Variants in ARHGAP12 observed in about 807,000 individuals in gnomAD.
The protein encoded by ARHGAP12 is Rho GTPase activating protein 12, also known as rho GTPase-activating protein 12.
A neutral mutation model predicts 108.6 loss-of-function variants in ARHGAP12; 64 were observed. That is an observed-to-expected ratio of 0.59 (90% confidence interval 0.48 to 0.73). The LOEUF (loss-of-function observed/expected upper bound fraction) is 0.73. ARHGAP12 is among the 30% of genes least tolerant of loss of function. The pLI is 0.00. For missense variants in ARHGAP12, 940 were observed against 1,005.9 expected (o/e 0.93, Z 0.89); for synonymous variants, 312 against 337.2 (o/e 0.93, Z 0.82).
chr10:31,808,612 T>C, intron 19 of ARHGAP12, 37 bp downstream of exon 19: 1 of 1,592,428 alleles, frequency 6.3e-7, no homozygotes, highest in Non-Finnish European at 8.6e-7. Flanking sequence ...CTTCCCCTTG[T>C]GCTATACCAC....
intron 3 of ARHGAP12, among the ~76,000 whole-genome samples, chr10:31,875,240 C>CT (rs1837687395): frequency 6.6e-6 from 1 of 152,086 alleles, no homozygotes; most frequent in South Asian, 2.1e-4. Flanking sequence ...CTGGAATGAT[C>CT]TTTAAGAAAT....
chr10:31,927,901 C>A (rs1840116151), intron 1 of ARHGAP12, among the ~76,000 whole-genome samples: 1 of 152,216 alleles, frequency 6.6e-6, no homozygotes, highest in African/African-American at 2.4e-5. Context: ...GGGAGGCGGG[C>A]TGCACGCTGG....
At chr10:31,815,367 T>C (rs1392600117) in intron 13 of ARHGAP12, among the ~76,000 whole-genome samples, 2 of 152,226 alleles carry the variant, frequency 1.3e-5, no homozygotes, top group Non-Finnish European at 2.9e-5. Flanking sequence ...CAGTGCTCTA[T>C]CTGGCACAAA....
intron 3 of ARHGAP12, among the ~76,000 whole-genome samples, chr10:31,883,005 C>G (rs552312001): frequency 1.3e-5 from 2 of 151,112 alleles, no homozygotes; most frequent in East Asian, 2.0e-4. Flanking sequence ...TAAGAAATAT[C>G]TACTCTTGGG....
In ARHGAP12 at chr10:31,908,476, C is replaced by A. The variant is rs775234209; in HGVS notation, c.380G>T (p.Gly127Val). 1.9e-6 allele frequency: 3 copies of A among 1,614,224 alleles called. No individual in the cohort carries two copies. Among genetic ancestry groups the A allele is most frequent in the Non-Finnish European group, 2.5e-6 (3 of 1,180,042 alleles). ...ATTCTGATTGGCATCACGAATAAGACCTGTTCCTTGAACAGATGACGATGG... is the reference window on the plus strand; with the variant it reads ...ATTCTGATTGGCATCACGAATAAGAACTGTTCCTTGAACAGATGACGATGG... Reference protein sequence around the residue: ...GKPSSSVQGTGLIRDANQNFG... With the variant: ...GKPSSSVQGTVLIRDANQNFG... Residue 127 changes from glycine to valine, a missense_variant, in exon 3 of 20, where the codon GGT becomes GTT. Transcript: ENST00000344936.
chr10:31,881,159 GAAAA>G (rs1242605206), intron 3 of ARHGAP12, among the ~76,000 whole-genome samples: 1 of 146,462 alleles, frequency 6.8e-6, no homozygotes, highest in East Asian at 2.0e-4. Context: ...AAAAAAAAAA[GAAAA>G]AAAGAAAAAA....
At chr10:31,865,099 G>T (rs1054978046) in intron 3 of ARHGAP12, among the ~76,000 whole-genome samples, 4 of 152,190 alleles carry the variant, frequency 2.6e-5, no homozygotes, top group Non-Finnish European at 5.9e-5. Context: ...CAAGTGAAAG[G>T]CCTAAGGAAA....
Position 31,816,407 on chromosome 10 carries a change from T to C in ARHGAP12, c.1731+1381A>G, listed in dbSNP as rs544116741. Reference sequence around the variant, plus strand: ...ACTCATCACATTTCATTTTATTAACTGTTATCTGTCTTGAATAATCATCTG... The same window carrying C: ...ACTCATCACATTTCATTTTATTAACCGTTATCTGTCTTGAATAATCATCTG... On this transcript the variant is annotated intron_variant, in intron 13 of 19. Transcript: ENST00000344936. Among the ~76,000 whole-genome samples the C allele has an allele frequency of 5.3e-5, 8 of 152,300 alleles. No individual in the cohort carries two copies. The South Asian group carries it at 1.2e-3, about 24-fold the overall frequency.
chr10:31,838,929 TG>T (rs1450166828), intron 9 of ARHGAP12, among the ~76,000 whole-genome samples: 3 of 147,950 alleles, frequency 2.0e-5, no homozygotes, highest in African/African-American at 7.5e-5. Context: ...CTAAGCCTGG[TG>T]GGGGAGGGGC....
At chr10:31,853,182 T>A (rs1214740149) in intron 5 of ARHGAP12, among the ~76,000 whole-genome samples, 2 of 152,202 alleles carry the variant, frequency 1.3e-5, no homozygotes, top group African/African-American at 4.8e-5. Flanking sequence ...AAGCAACATA[T>A]AACATACGAT....
chr10:31,891,916 T>C (rs1344599986), intron 3 of ARHGAP12, among the ~76,000 whole-genome samples: 1 of 152,232 alleles, frequency 6.6e-6, no homozygotes, highest in Admixed American at 6.5e-5. Context: ...TCTCGTGCCA[T>C]GGTTTTCAGC....
At chr10:31,852,729 C>CTTTTTTTT (rs398013156) in intron 5 of ARHGAP12, 132 bp from the exon 6 acceptor site, 1 of 208,022 alleles carries the variant, frequency 4.8e-6, no homozygotes, top group Non-Finnish European at 8.5e-6. Context: ...ACAAAAAATT[C>CTTTTTTTT]TTTTTTTTTT....
At chr10:31,812,567 T>C (rs550160612) in intron 15 of ARHGAP12, 140 bp downstream of exon 15, 3 of 529,222 alleles carry the variant, frequency 5.7e-6, no homozygotes, top group Non-Finnish European at 9.7e-6. Flanking sequence ...AATTACTTAA[T>C]GTCTTTTAAT....
At chr10:31,905,170 C>A (rs1210924799) in intron 3 of ARHGAP12, among the ~76,000 whole-genome samples, 1 of 152,032 alleles carries the variant, frequency 6.6e-6, no homozygotes, top group East Asian at 1.9e-4. Context: ...CCTTGCTATG[C>A]TTGAAAAAAA....
chr10:31,890,331 T>C lies in ARHGAP12; in HGVS notation c.684+17841A>G, dbSNP rs117408474. Among the ~76,000 whole-genome samples the C allele has an allele frequency of 6.2e-4, 95 of 152,304 alleles. 1 individual carries two copies. The East Asian group carries it at 0.017, about 28-fold the overall frequency. The stretch of plus-strand genomic sequence containing the variant: ...CAAATAATTCCAACCTACAAATAGG[T>C]TGCTTTCTAAGATGATTGGAACTTC... On this transcript the variant is annotated intron_variant, in intron 3 of 19. Transcript: ENST00000344936.
In ARHGAP12 at chr10:31,810,640, T is replaced by A; in HGVS notation, c.2050+9A>T. On this transcript the variant is annotated intron_variant, in intron 16 of 19. Coordinates refer to ENST00000344936, the MANE Select transcript of ARHGAP12 (RefSeq NM_018287.7). ...ATGTTAAAAAAAAAAATCAAAATCC[T>A]TCTCTTACCATGTTCTTCAACATGT... is the stretch of plus-strand genomic sequence containing the variant. 4 of 1,538,654 alleles carry A rather than the reference T, an allele frequency of 2.6e-6. No individual in the cohort carries two copies. Among genetic ancestry groups the A allele is most frequent in the South Asian group, 1.3e-5 (1 of 78,986 alleles).
chr10:31,878,334 C>A (rs940339247), intron 3 of ARHGAP12, among the ~76,000 whole-genome samples: 3 of 152,176 alleles, frequency 2.0e-5, no homozygotes, highest in Admixed American at 2.0e-4. Flanking sequence ...AGATTTTCAA[C>A]TTTCAAACAT....
At chr10:31,871,275 G>A (rs1461048231) in intron 3 of ARHGAP12, among the ~76,000 whole-genome samples, 1 of 152,168 alleles carries the variant, frequency 6.6e-6, no homozygotes, top group Non-Finnish European at 1.5e-5. Context: ...TGATAACTAA[G>A]TGAATTCGTT....
chr10:31,923,495 A>G (rs1255192428), intron 1 of ARHGAP12, among the ~76,000 whole-genome samples: 6 of 152,260 alleles, frequency 3.9e-5, no homozygotes, highest in African/African-American at 1.4e-4. Flanking sequence ...ATGTAGACAC[A>G]AAGACAGTAG....
Sources: allele counts gnomAD v4.1 joint callset (sites outside exome capture counted in the v4.1 genomes callset), GRCh38; gene constraint gnomAD v4.1.1; transcripts MANE v1.5; gene names NCBI Gene and HGNC (gene_info 2026-07-23, HGNC 2026-07-21).